Variants in MYO18A observed in about 807,000 individuals in gnomAD.
The protein encoded by MYO18A is myosin XVIIIA, also known as unconventional myosin-XVIIIa.
In MYO18A, 78 loss-of-function variants were observed where a neutral mutation model predicts 235.8. That is an observed-to-expected ratio of 0.33 (90% CI 0.28 to 0.40). MYO18A has a LOEUF of 0.40. Ranked by LOEUF, MYO18A falls within the 10% of genes least tolerant of loss-of-function variation. The probability of loss-of-function intolerance (pLI) is 1.00; values close to 1 mark genes in which losing one functional copy is unlikely to be tolerated. For missense variants in MYO18A, 2,215 were observed against 2,699.3 expected (o/e 0.82, Z 3.98); for synonymous variants, 977 against 1,077.8 (o/e 0.91, Z 1.83).
Position 29,121,483 on chromosome 17 carries a change from G to A in MYO18A, c.1371+64C>T. On this transcript the variant is annotated intron_variant, in intron 5 of 41. Transcript: ENST00000527372. The surrounding 1 kb of genome is among the most constrained non-coding windows in gnomAD (Gnocchi z 4.2). ...AGCCCAGTGGGGTGCCACAGGGGAA[G>A]GGCAGAGAGCCAGGGCAGGGGGTGG... 1 of 1,484,054 alleles carries A rather than the reference G, an allele frequency of 6.7e-7. No homozygotes were observed. The highest frequency in any genetic ancestry group is 1.3e-5 in the South Asian group (1 of 75,498). The allele number at this position is 1,484,054 out of a possible 1,614,324, so 91.9% of individuals were successfully genotyped here. A position where few individuals can be genotyped will look rare whatever the true frequency, so the allele number is the denominator to read the frequency against.
intron 1 of MYO18A, among the ~76,000 whole-genome samples, chr17:29,168,266 A>G (rs2068325510): frequency 1.3e-5 from 2 of 152,146 alleles, no homozygotes; most frequent in Non-Finnish European, 2.9e-5. Flanking sequence ...CCCCAGGAAG[A>G]AAACTGTGGT....
chr17:29,121,336 C>A lies in MYO18A; in HGVS notation c.1372-125G>T, dbSNP rs1230676536. 1.7e-6 allele frequency: 2 copies of A among 1,174,856 alleles called. No homozygotes were observed. Among genetic ancestry groups the A allele is most frequent in the Non-Finnish European group, 1.2e-6 (1 of 831,858 alleles). 72.8% of individuals were successfully genotyped at this position (1,174,856 alleles called of 1,614,324 possible). Reference sequence around the variant, plus strand: ...CTGTAGTGCCCAGGGATTCCAAGGCCAAGGCCATGCATGGAAATGAAGACA... The same window carrying A: ...CTGTAGTGCCCAGGGATTCCAAGGCAAAGGCCATGCATGGAAATGAAGACA... On this transcript the variant is annotated intron_variant, in intron 5 of 41. Transcript: ENST00000527372. This position sits in a 1 kb window ranked among gnomAD's most constrained non-coding sequence, Gnocchi z 4.2.
At chr17:29,110,388 T>A in intron 18 of MYO18A, 48 bp downstream of exon 18, 1 of 1,516,780 alleles carries the variant, frequency 6.6e-7, no homozygotes, top group South Asian at 1.3e-5. Context: ...CTACCAGGGG[T>A]AAGGAAGGGT....
At chr17:29,097,963 C>A (rs1334377309) in intron 25 of MYO18A, 64 bp from the exon 26 acceptor site, 3 of 1,576,522 alleles carry the variant, frequency 1.9e-6, no homozygotes, top group Non-Finnish European at 2.6e-6. Flanking sequence ...CCGAACCACA[C>A]AGACCATGAT....
At position 29,096,814 on chromosome 17, in the gene MYO18A, C is replaced by T; in HGVS notation, c.4332G>A (p.Leu1444=). Residue 1444 remains leucine (L), a synonymous_variant, in exon 28 of 42, where the codon CTG becomes CTA. Coordinates refer to ENST00000527372, the MANE Select transcript of MYO18A (RefSeq NM_078471.4). ...TGCGGACCTGCTGGCCCTCCAGGTG[C>T]AGCTTGGTGTCTTGCAGCTCAGCCG... is the stretch of plus-strand genomic sequence containing the variant. ...RLTAELQDTK[L]HLEGQQVRNH... 3.1e-6 allele frequency: 5 copies of T among 1,604,094 alleles called. No homozygotes were observed. Among genetic ancestry groups the T allele is most frequent in the Non-Finnish European group, 3.4e-6 (4 of 1,175,706 alleles).
intron 26 of MYO18A, 131 bp from the exon 27 acceptor site, chr17:29,097,481 T>TGGAA: frequency 8.0e-7 from 1 of 1,252,904 alleles, no homozygotes; most frequent in Non-Finnish European, 1.1e-6. Context: ...TCTGCAATGA[T>TGGAA]GGCTTCCTCC....
At position 29,107,134 on chromosome 17, in the gene MYO18A, G is replaced by A; in HGVS notation, c.3387C>T (p.Ala1129=). The A allele has an allele frequency of 6.2e-7, 1 of 1,613,974 alleles. No individual in the cohort carries two copies. Among genetic ancestry groups the A allele is most frequent in the Non-Finnish European group, 8.5e-7 (1 of 1,179,870 alleles). Residue 1129 remains alanine (A), a synonymous_variant, in exon 20 of 42, where the codon GCC becomes GCT. Coordinates refer to ENST00000527372, the MANE Select transcript of MYO18A (RefSeq NM_078471.4). ...SEFRRRFDVL[A]PHLTKKHGRN... ...GCCCGTGTTTCTTGGTCAGGTGCGG[G>A]GCCAGGACATCAAAGCGGCGGCGGA...
At chr17:29,134,667 C>T (rs540906543) in intron 2 of MYO18A, among the ~76,000 whole-genome samples, 1 of 152,028 alleles carries the variant, frequency 6.6e-6, no homozygotes, top group South Asian at 2.1e-4. Context: ...GGATTACAGG[C>T]GCCCGCTACC....
chr17:29,078,883 T>G (rs1347333843), intron 41 of MYO18A: 2 of 152,258 alleles, frequency 1.3e-5, no homozygotes, highest in African/African-American at 4.8e-5. Flanking sequence ...CATTAGAACT[T>G]TACAAGATGA....
chr17:29,166,575 G>C lies in MYO18A; in HGVS notation c.366C>G (p.Ala122=). 6.2e-7 allele frequency: 1 copy of C among 1,613,810 alleles called. No homozygotes were observed. Among genetic ancestry groups the C allele is most frequent in the Non-Finnish European group, 8.5e-7 (1 of 1,179,882 alleles). Residue 122 remains alanine, a synonymous_variant, in exon 2 of 42, where the codon GCC becomes GCG. Transcript: ENST00000527372. ...SFRGSVLQRA[A]KFGSLAKQNS... is the part of the protein sequence containing the mutation. Reference sequence around the variant, plus strand: ...TCTGCTTGGCCAGTGAGCCGAACTTGGCTGCCCGCTGCAGCACCGAGCCAC... The same window carrying C: ...TCTGCTTGGCCAGTGAGCCGAACTTCGCTGCCCGCTGCAGCACCGAGCCAC...
chr17:29,175,910 G>A (rs1006955550), intron 1 of MYO18A, among the ~76,000 whole-genome samples: 2 of 151,922 alleles, frequency 1.3e-5, no homozygotes, highest in African/African-American at 4.8e-5. Flanking sequence ...ATACAAAAAA[G>A]TAGCCGGGCG....
rs1325958146 is a variant in MYO18A at position 29,158,933 on chromosome 17, TG to T, written c.999+7008del. Among the ~76,000 whole-genome samples the T allele has an allele frequency of 6.6e-6, 1 of 151,892 alleles. No homozygotes were observed. The highest frequency in any genetic ancestry group is 6.6e-5 in the Admixed American group (1 of 15,246). On this transcript the variant is annotated intron_variant, in intron 2 of 41. Transcript: ENST00000527372. This position sits in a 1 kb window ranked among gnomAD's most constrained non-coding sequence, Gnocchi z 4.3. Reference sequence around the variant, plus strand: ...GAAGGGAGCAGAGGGCAGGGTGACTTGGGGTGTCAGGGCAGGCAGGAAGGGA... The same window carrying T: ...GAAGGGAGCAGAGGGCAGGGTGACTTGGGTGTCAGGGCAGGCAGGAAGGGA...
Position 29,097,443 on chromosome 17 carries a change from G to C in MYO18A, c.4103-93C>G, listed in dbSNP as rs2152777939. ...GAGGATGGGGCAGGGGGAGCAGCAG[G>C]TGGAGTCAGCCAGGGCTCAGAAAGC... On this transcript the variant is annotated intron_variant, in intron 26 of 41. Transcript: ENST00000527372. 3 of 1,522,988 alleles carry C rather than the reference G, an allele frequency of 2.0e-6. No individual in the cohort carries two copies. In the East Asian group the frequency reaches 6.8e-5, roughly 35 times the overall value. The allele number at this position is 1,522,988 out of a possible 1,614,324, so 94.3% of individuals were successfully genotyped here. A position where few individuals can be genotyped will look rare whatever the true frequency, so the allele number is the denominator to read the frequency against.
chr17:29,133,974 G>C (rs1044228908), intron 2 of MYO18A: 1 of 632,530 alleles, frequency 1.6e-6, no homozygotes, highest in Admixed American at 3.5e-5. Context: ...GGATGGAGTG[G>C]AGGAGGAAGG....
intron 39 of MYO18A, 116 bp downstream of exon 39, chr17:29,086,322 G>T: frequency 1.7e-6 from 2 of 1,183,810 alleles, no homozygotes; most frequent in Non-Finnish European, 2.4e-6. Flanking sequence ...AGGGTGGGTT[G>T]GCGGCTTGCT....
In MYO18A at chr17:29,117,550, C is replaced by G. The variant is rs951374482; in HGVS notation, c.2038+495G>C. 2.2e-4 allele frequency among the ~76,000 whole-genome samples: 34 copies of G among 152,106 alleles called. No individual in the cohort carries two copies. Among genetic ancestry groups the G allele is most frequent in the Non-Finnish European group, 4.0e-4 (27 of 68,008 alleles). On this transcript the variant is annotated intron_variant, in intron 10 of 41. Coordinates refer to ENST00000527372, the MANE Select transcript of MYO18A (RefSeq NM_078471.4). This position sits in a 1 kb window ranked among gnomAD's most constrained non-coding sequence, Gnocchi z 4.6. ...CCCCACAGCCTGCAGGCTCCACTTCCACTCTCAACCTCCAGGCTTCTCCCC... is the reference window on the plus strand; with the variant it reads ...CCCCACAGCCTGCAGGCTCCACTTCGACTCTCAACCTCCAGGCTTCTCCCC...
At chr17:29,097,968 C>G in intron 25 of MYO18A, 69 bp from the exon 26 acceptor site, 1 of 1,573,488 alleles carries the variant, frequency 6.4e-7, no homozygotes, top group East Asian at 2.2e-5. Flanking sequence ...CCACACAGAC[C>G]ATGATCACAT....
Position 29,125,897 on chromosome 17 carries a change from G to A in MYO18A, c.1000-3644C>T, listed in dbSNP as rs892552146. 15 of 985,730 alleles carry A rather than the reference G, an allele frequency of 1.5e-5. No individual in the cohort carries two copies. In the African/African-American group the frequency reaches 2.1e-4, roughly 14 times the overall value. 61.1% of individuals were successfully genotyped at this position (985,730 alleles called of 1,614,324 possible). On this transcript the variant is annotated intron_variant, in intron 2 of 41. Coordinates refer to ENST00000527372, the MANE Select transcript of MYO18A (RefSeq NM_078471.4). This position sits in a 1 kb window ranked among gnomAD's most constrained non-coding sequence, Gnocchi z 5.1. Reference sequence around the variant, plus strand: ...CACACACAAGAGTGGCATTACAGAAGCTGTGAAGATCCTCTCCAGCCGCTG... The same window carrying A: ...CACACACAAGAGTGGCATTACAGAAACTGTGAAGATCCTCTCCAGCCGCTG...
At chr17:29,178,750 C>A (rs1468660258) in intron 1 of MYO18A, among the ~76,000 whole-genome samples, 2 of 152,154 alleles carry the variant, frequency 1.3e-5, no homozygotes, top group African/African-American at 4.8e-5. Flanking sequence ...GGGTGGGGAA[C>A]ATTAGGCCAG....
Sources: allele counts gnomAD v4.1 joint callset (sites outside exome capture counted in the v4.1 genomes callset), GRCh38; gene constraint gnomAD v4.1.1; non-coding constraint Gnocchi (gnomAD v3.1); transcripts MANE v1.5; gene names NCBI Gene and HGNC (gene_info 2026-07-23, HGNC 2026-07-21).